Variants in WDR70 observed in about 807,000 individuals in gnomAD.
WDR70 encodes the protein WD repeat domain 70.
Under a neutral mutation model 88.6 loss-of-function variants are expected in WDR70, and 53 were observed. The observed-to-expected ratio is 0.60, with a 90% CI of 0.48 to 0.75. The LOEUF is 0.75. Among genes scored for constraint, WDR70 ranks in the 30% least tolerant of loss-of-function variants. The pLI is 0.00. For synonymous variants in WDR70, 280 were observed against 270.0 expected, an observed-to-expected ratio of 1.04 and a Z score of -0.36; for missense variants, 610 against 823.2, an observed-to-expected ratio of 0.74 and a Z score of 3.17.
intron 3 of WDR70, among the ~76,000 whole-genome samples, chr5:37,385,138 G>A (rs1347405597): frequency 1.3e-5 from 2 of 152,166 alleles, no homozygotes; most frequent in East Asian, 1.9e-4. Flanking sequence ...TGGGAGAGGT[G>A]CAGAGCTTCT....
rs185999270 is a variant in WDR70, at chr5:37,605,100, G to A, written c.954G>A (p.Lys318=). The A allele has an allele frequency of 6.2e-7, 1 of 1,610,616 alleles. No individual in the cohort carries two copies. The highest frequency in any genetic ancestry group is 8.5e-7 in the Non-Finnish European group (1 of 1,178,300). Reference sequence around the variant, plus strand: ...CGTGGGAAGTTGAAAATCCAAAGAAGCAAAAAAGTGTGTTTAAACCACGGA... The same window carrying A: ...CGTGGGAAGTTGAAAATCCAAAGAAACAAAAAAGTGTGTTTAAACCACGGA... ...VRTWEVENPK[K]QKSVFKPRTM... is the part of the protein sequence containing the mutation. Residue 318 remains lysine (K), a synonymous_variant, in exon 10 of 18, where the codon AAG becomes AAA. Coordinates refer to ENST00000265107, the MANE Select transcript of WDR70 (RefSeq NM_018034.4).
At chr5:37,607,266 T>A (rs1744059073) in intron 10 of WDR70, among the ~76,000 whole-genome samples, 1 of 151,702 alleles carries the variant, frequency 6.6e-6, no homozygotes, top group Non-Finnish European at 1.5e-5. Context: ...ATTTCTTAAC[T>A]TTTTTTTCAG....
intron 10 of WDR70, among the ~76,000 whole-genome samples, chr5:37,669,414 C>A (rs80067171): frequency 3.8e-5 from 5 of 133,082 alleles, no homozygotes; most frequent in South Asian, 2.5e-4. Context: ...AAAAAAAAAA[C>A]ATTTTGTTTT....
At chr5:37,526,639 G>T (rs757086817) in intron 9 of WDR70, among the ~76,000 whole-genome samples, 5 of 152,142 alleles carry the variant, frequency 3.3e-5, no homozygotes, top group Admixed American at 1.3e-4. Flanking sequence ...CCAGGGCAAT[G>T]AGGCAGGAGA....
At chr5:37,426,285 T>C (rs538342340) in intron 5 of WDR70, among the ~76,000 whole-genome samples, 2 of 152,390 alleles carry the variant, frequency 1.3e-5, no homozygotes, top group South Asian at 4.1e-4. Context: ...TTATATTTAA[T>C]GACAAAGTGT....
chr5:37,561,430 C>T (rs1406226428), intron 9 of WDR70, among the ~76,000 whole-genome samples: 2 of 152,154 alleles, frequency 1.3e-5, no homozygotes, highest in Non-Finnish European at 1.5e-5. Flanking sequence ...ATACACTATG[C>T]TAAAACAGCT....
chr5:37,396,706 C>CTG, intron 5 of WDR70, 136 bp downstream of exon 5: 1 of 1,367,508 alleles, frequency 7.3e-7, no homozygotes, highest in Non-Finnish European at 9.5e-7. Context: ...GGCTTAACAC[C>CTG]TGTAATCCCA....
intron 9 of WDR70, among the ~76,000 whole-genome samples, chr5:37,531,594 T>TTC (rs1275579461): frequency 2.1e-5 from 3 of 143,518 alleles, no homozygotes; most frequent in Non-Finnish European, 3.1e-5. Context: ...TTTCTTTTTT[T>TTC]TTTTTTTTTT....
intron 10 of WDR70, among the ~76,000 whole-genome samples, chr5:37,628,198 C>T (rs1744719437): frequency 6.6e-6 from 1 of 152,210 alleles, no homozygotes; most frequent in Non-Finnish European, 1.5e-5. Context: ...GTTGGGTTTA[C>T]AGGCATAAGC....
At chr5:37,676,343 T>C (rs1223270112) in intron 10 of WDR70, among the ~76,000 whole-genome samples, 9 of 152,004 alleles carry the variant, frequency 5.9e-5, no homozygotes, top group Admixed American at 2.0e-4. Context: ...CCAGTTTTTG[T>C]CCATTCAGGA....
intron 9 of WDR70, among the ~76,000 whole-genome samples, chr5:37,562,936 A>T (rs936471694): frequency 6.6e-6 from 1 of 150,530 alleles, no homozygotes; most frequent in Non-Finnish European, 1.5e-5. Flanking sequence ...CGTTGTCATC[A>T]TGGCCCGTTC....
In WDR70 at chr5:37,680,773, C is replaced by G. The variant is rs555686752; in HGVS notation, c.1093-16882C>G. ...ATTGGTCTACGTGTCTGTTCTTGTACCAGTACGATGCTATTTTGGTTACTG... is the reference window on the plus strand; with the variant it reads ...ATTGGTCTACGTGTCTGTTCTTGTAGCAGTACGATGCTATTTTGGTTACTG... On this transcript the variant is annotated intron_variant, in intron 10 of 17. Transcript: ENST00000265107. Among the ~76,000 whole-genome samples, 20 of 152,206 alleles carry G rather than the reference C, an allele frequency of 1.3e-4. No homozygotes were observed. In the South Asian group the frequency reaches 4.2e-3, roughly 32 times the overall value.
intron 8 of WDR70, among the ~76,000 whole-genome samples, chr5:37,480,316 T>C (rs1324950343): frequency 1.3e-5 from 2 of 152,210 alleles, no homozygotes; most frequent in African/African-American, 4.8e-5. Flanking sequence ...TCTTTTTCTC[T>C]TGCCACATGT....
rs1210517010 is a variant in WDR70 at position 37,677,240 on chromosome 5, T to G, written c.1093-20415T>G. ...TTTTTGTGTCTCTATTTCCTTCAGT[T>G]CTGCTCTGATTTTAGTTATTTCTTG... is the stretch of plus-strand genomic sequence containing the variant. On this transcript the variant is annotated intron_variant, in intron 10 of 17. Coordinates refer to ENST00000265107, the MANE Select transcript of WDR70 (RefSeq NM_018034.4). Among the ~76,000 whole-genome samples the G allele has an allele frequency of 2.0e-5, 3 of 152,082 alleles. No homozygotes were observed. In the East Asian group the frequency reaches 5.8e-4, roughly 29 times the overall value.
chr5:37,610,232 C>CTCCA (rs1256936391), intron 10 of WDR70, among the ~76,000 whole-genome samples: 1 of 147,302 alleles, frequency 6.8e-6, no homozygotes, highest in Admixed American at 6.9e-5. Flanking sequence ...TGCCACTGCG[C>CTCCA]TCCAGCCTGG....
intron 10 of WDR70, among the ~76,000 whole-genome samples, chr5:37,694,249 G>T (rs1185300862): frequency 6.6e-6 from 1 of 152,214 alleles, no homozygotes; most frequent in Non-Finnish European, 1.5e-5. Context: ...CACTGTTGGT[G>T]AGAGTTTAAA....
intron 5 of WDR70, among the ~76,000 whole-genome samples, chr5:37,437,522 CT>C (rs1750504995): frequency 6.6e-6 from 1 of 151,966 alleles, no homozygotes; most frequent in African/African-American, 2.4e-5. Flanking sequence ...ATATATCAAC[CT>C]TTTCGCTCCT....
chr5:37,677,535 T>A (rs1173958628), intron 10 of WDR70, among the ~76,000 whole-genome samples: 2 of 152,228 alleles, frequency 1.3e-5, no homozygotes, highest in African/African-American at 4.8e-5. Flanking sequence ...TTCCATGTAG[T>A]TGAGCGGTTG....
At chr5:37,614,835 GAAATACAGAAACTTATACTA>G (rs1310336988) in intron 10 of WDR70, among the ~76,000 whole-genome samples, 2 of 152,090 alleles carry the variant, frequency 1.3e-5, no homozygotes, top group Non-Finnish European at 2.9e-5. Flanking sequence ...CCTCTAACAT[GAAATACAGAAACTTATACTA>G]AACAGAATAA....
Sources: allele counts gnomAD v4.1 joint callset (sites outside exome capture counted in the v4.1 genomes callset), GRCh38; gene constraint gnomAD v4.1.1; transcripts MANE v1.5; gene names NCBI Gene and HGNC (gene_info 2026-07-23, HGNC 2026-07-21).